Variants in ST8SIA1 observed in about 807,000 individuals in gnomAD.
ST8SIA1 encodes ST8 alpha-N-acetyl-neuraminide alpha-2,8-sialyltransferase 1.
In ST8SIA1, 16 loss-of-function variants were observed where a neutral mutation model predicts 35.9. That is an observed-to-expected ratio of 0.45 (90% CI 0.30 to 0.68). The LOEUF is 0.68. ST8SIA1 is among the 30% of genes least tolerant of loss of function. The probability of loss-of-function intolerance (pLI) is 0.09; values close to 1 mark genes in which losing one functional copy is unlikely to be tolerated. For synonymous variants in ST8SIA1, 170 were observed against 169.6 expected, an observed-to-expected ratio of 1.00 and a Z score of -0.02; for missense variants, 383 against 453.6, an observed-to-expected ratio of 0.84 and a Z score of 1.41.
At chr12:22,308,387 C>T (rs371037743) in intron 1 of ST8SIA1, among the ~76,000 whole-genome samples, 3 of 152,136 alleles carry the variant, frequency 2.0e-5, no homozygotes, top group South Asian at 4.1e-4. Context: ...GTGATCTTGA[C>T]ATTAGATTCT....
chr12:22,333,925 G>A, intron 1 of ST8SIA1, 72 bp downstream of exon 1: 1 of 1,366,688 alleles, frequency 7.3e-7, no homozygotes, highest in Non-Finnish European at 1.0e-6. Flanking sequence ...GGCGGTCCTC[G>A]CCGGTGACCC....
chr12:22,289,341 G>A (rs12827101), intron 1 of ST8SIA1, among the ~76,000 whole-genome samples: 16,163 of 152,028 alleles, frequency 0.11, 1,112 homozygotes, highest in Middle Eastern at 0.23. Flanking sequence ...TGAGGAAACA[G>A]GCTTAGAGCG....
intron 1 of ST8SIA1, among the ~76,000 whole-genome samples, chr12:22,305,171 T>G (rs2728819): frequency 0.062 from 9,377 of 152,138 alleles, 501 homozygotes; most frequent in South Asian, 0.17. Context: ...ACACAATGTT[T>G]CACTGCTAAA....
intron 1 of ST8SIA1, chr12:22,333,715 T>C: frequency 1.7e-6 from 1 of 593,480 alleles, no homozygotes. Flanking sequence ...GTTTTGTTTA[T>C]CCGTAAATTG....
At chr12:22,272,349 A>C (rs1434856970) in intron 2 of ST8SIA1, among the ~76,000 whole-genome samples, 1 of 152,196 alleles carries the variant, frequency 6.6e-6, no homozygotes, top group Non-Finnish European at 1.5e-5. Context: ...GACAGTCAAA[A>C]AGTTTTCAAC....
chr12:22,282,791 A>G (rs1260953168), intron 2 of ST8SIA1, among the ~76,000 whole-genome samples: 1 of 152,198 alleles, frequency 6.6e-6, no homozygotes, highest in Non-Finnish European at 1.5e-5. Context: ...CCCACCAGAC[A>G]TTAGACCCCT....
chr12:22,310,931 A>G (rs982531527), intron 1 of ST8SIA1, among the ~76,000 whole-genome samples: 2 of 152,190 alleles, frequency 1.3e-5, no homozygotes, highest in African/African-American at 4.8e-5. Flanking sequence ...ACACTCTGAT[A>G]ATGGAGAACA....
intron 2 of ST8SIA1, among the ~76,000 whole-genome samples, chr12:22,276,999 G>T (rs7962800): frequency 6.6e-6 from 1 of 152,084 alleles, no homozygotes; most frequent in African/African-American, 2.4e-5. Context: ...CCAGGGTTCT[G>T]CCCTATCTTA....
intron 4 of ST8SIA1, among the ~76,000 whole-genome samples, chr12:22,218,121 C>T (rs778856860): frequency 1.1e-4 from 16 of 152,074 alleles, no homozygotes; most frequent in Admixed American, 2.0e-4. Context: ...GCCAGGAGTT[C>T]GAGACCAGCC....
chr12:22,261,853 A>C (rs1013440881), intron 2 of ST8SIA1, among the ~76,000 whole-genome samples: 2 of 152,058 alleles, frequency 1.3e-5, no homozygotes, highest in South Asian at 4.1e-4. Context: ...TCATTCATCA[A>C]CTTTTCATTG....
intron 2 of ST8SIA1, among the ~76,000 whole-genome samples, chr12:22,281,436 G>A (rs1334110117): frequency 6.6e-6 from 1 of 152,190 alleles, no homozygotes; most frequent in Non-Finnish European, 1.5e-5. Flanking sequence ...GCCAAGAATG[G>A]CAGGGCCAAT....
rs1318341589 is a variant in ST8SIA1, at chr12:22,198,346, G to C, written c.*3206C>G. ...AATGTAACTGATCAAATCTGGAAAA[G>C]TACCAGGCCTAATTCTGAAGGTCTT... is the stretch of plus-strand genomic sequence containing the variant. On this transcript the variant is annotated 3_prime_UTR_variant, in exon 5 of 5. Transcript: ENST00000396037. 1.3e-5 allele frequency: 2 copies of C among 152,064 alleles called. No individual in the cohort carries two copies. The highest frequency in any genetic ancestry group is 2.9e-5 in the Non-Finnish European group (2 of 68,016). 9.4% of individuals were successfully genotyped at this position (152,064 alleles called of 1,614,324 possible).
At chr12:22,268,087 A>T (rs1865867709) in intron 2 of ST8SIA1, among the ~76,000 whole-genome samples, 1 of 152,204 alleles carries the variant, frequency 6.6e-6, no homozygotes, top group South Asian at 2.1e-4. Context: ...CAAGGGTATA[A>T]ACCATGTCTT....
At chr12:22,322,878 A>C (rs1268235934) in intron 1 of ST8SIA1, among the ~76,000 whole-genome samples, 1 of 152,234 alleles carries the variant, frequency 6.6e-6, no homozygotes, top group Non-Finnish European at 1.5e-5. Flanking sequence ...GACTCTTAAA[A>C]TTAGAGTTGT....
At chr12:22,310,364 G>C (rs1459790513) in intron 1 of ST8SIA1, among the ~76,000 whole-genome samples, 2 of 152,148 alleles carry the variant, frequency 1.3e-5, no homozygotes, top group African/African-American at 4.8e-5. Context: ...GTCTCTAGTG[G>C]CTGCACAACC....
At chr12:22,226,434 T>C (rs1865358469) in intron 4 of ST8SIA1, among the ~76,000 whole-genome samples, 1 of 152,224 alleles carries the variant, frequency 6.6e-6, no homozygotes, top group African/African-American at 2.4e-5. Flanking sequence ...TTACCTGGAA[T>C]GTAACTAAGT....
chr12:22,228,332 C>G (rs1419171976), intron 4 of ST8SIA1, among the ~76,000 whole-genome samples: 1 of 152,210 alleles, frequency 6.6e-6, no homozygotes, highest in African/African-American at 2.4e-5. Flanking sequence ...TGACTCTCAA[C>G]CCAACCCTCT....
At chr12:22,245,397 T>C (rs1160078238) in intron 4 of ST8SIA1, among the ~76,000 whole-genome samples, 1 of 152,264 alleles carries the variant, frequency 6.6e-6, no homozygotes, top group Non-Finnish European at 1.5e-5. Flanking sequence ...ATGTAATTTT[T>C]TCTTATGTCA....
In ST8SIA1 at chr12:22,197,222, C is replaced by T. The variant is rs1865000064; in HGVS notation, c.*4330G>A. On this transcript the variant is annotated 3_prime_UTR_variant, in exon 5 of 5. Transcript: ENST00000396037. ...ACGACGGGAAGATAAAGAAAAAGCA[C>T]AACATTACTCTCAGTCCTTATTCCT... 2 of 152,180 alleles carry T rather than the reference C, an allele frequency of 1.3e-5. No individual in the cohort carries two copies. The highest frequency in any genetic ancestry group is 1.9e-4 in the East Asian group (1 of 5,194). The allele number at this position is 152,180 out of a possible 1,614,324, so 9.4% of individuals were successfully genotyped here.
Sources: allele counts gnomAD v4.1 joint callset (sites outside exome capture counted in the v4.1 genomes callset), GRCh38; gene constraint gnomAD v4.1.1; transcripts MANE v1.5; gene names NCBI Gene and HGNC (gene_info 2026-07-23, HGNC 2026-07-21).